Variants in ZNF143 observed in about 807,000 individuals in gnomAD.
The protein encoded by ZNF143 is SPH-binding factor.
In ZNF143, 49 loss-of-function variants were observed where a neutral mutation model predicts 74.1. The ratio of observed to expected loss-of-function variants is 0.66; its 90% CI spans 0.53 to 0.84. The LOEUF (loss-of-function observed/expected upper bound fraction) is 0.84, where lower values mean the gene tolerates loss of function less well. Ranked by LOEUF, ZNF143 falls within the 40% of genes least tolerant of loss-of-function variation. ZNF143 has a pLI of 0.00. For synonymous variants in ZNF143, 304 were observed against 282.8 expected, an observed-to-expected ratio of 1.07 and a Z score of -0.75; for missense variants, 637 against 793.4, an observed-to-expected ratio of 0.80 and a Z score of 2.37.
chr11:9,508,918 A>G, intron 12 of ZNF143, 72 bp downstream of exon 12: 3 of 1,443,570 alleles, frequency 2.1e-6, no homozygotes, highest in Non-Finnish European at 2.8e-6. Flanking sequence ...TTTATGATTC[A>G]TAGCATTTTC....
At chr11:9,462,989 C>T (rs974662892) in intron 1 of ZNF143, among the ~76,000 whole-genome samples, 5 of 152,328 alleles carry the variant, frequency 3.3e-5, no homozygotes, top group Middle Eastern at 3.4e-3. Context: ...CTCCCCATTT[C>T]CTCTCAGTTG....
intron 8 of ZNF143, 128 bp from the exon 9 acceptor site, chr11:9,496,174 AT>A: frequency 1.3e-6 from 1 of 742,188 alleles, no homozygotes; most frequent in Non-Finnish European, 2.2e-6. Flanking sequence ...TTGTGAAGTT[AT>A]CTTTTTTATA....
intron 1 of ZNF143, 56 bp downstream of exon 1, chr11:9,461,132 C>T: frequency 1.0e-6 from 1 of 975,478 alleles, no homozygotes; most frequent in Non-Finnish European, 1.2e-6. Context: ...CTGGCCGCCG[C>T]CCTCAGCGCG....
intron 1 of ZNF143, among the ~76,000 whole-genome samples, chr11:9,464,472 A>C (rs1856069499): frequency 6.6e-6 from 1 of 152,002 alleles, no homozygotes. Flanking sequence ...GGGGTGGCCC[A>C]TGCCTTTAAT....
At chr11:9,462,068 G>T (rs546652055) in intron 1 of ZNF143, 1 of 152,172 alleles carries the variant, frequency 6.6e-6, no homozygotes, top group Non-Finnish European at 1.5e-5. Flanking sequence ...TTTTCTTGCT[G>T]AGTATGTAGA....
chr11:9,479,386 C>A, intron 6 of ZNF143, 86 bp from the exon 7 acceptor site: 2 of 988,496 alleles, frequency 2.0e-6, no homozygotes, highest in Non-Finnish European at 1.4e-6. Context: ...TTTTTTTTTG[C>A]AAGCTTCTCC....
Position 9,471,287 on chromosome 11 carries a change from T to C in ZNF143, c.-7-15T>C. 1 of 1,580,816 alleles carries C rather than the reference T, an allele frequency of 6.3e-7. No individual in the cohort carries two copies. The highest frequency in any genetic ancestry group is 8.6e-7 in the Non-Finnish European group (1 of 1,163,904). The stretch of plus-strand genomic sequence containing the variant: ...TATCATTCTTTGTTCCCAAGTGTCT[T>C]TATTTTTCTTCAAGGTAGAAGATGT... On this transcript the variant is annotated splice_polypyrimidine_tract_variant and intron_variant, in intron 1 of 15. Transcript: ENST00000396602.
At chr11:9,520,838 A>G (rs772346746) in intron 14 of ZNF143, among the ~76,000 whole-genome samples, 3 of 152,214 alleles carry the variant, frequency 2.0e-5, no homozygotes, top group Non-Finnish European at 2.9e-5. Context: ...TATCACCAAC[A>G]TTTGGAGTTG....
At chr11:9,481,885 CA>C (rs572870014) in intron 7 of ZNF143, among the ~76,000 whole-genome samples, 67,766 of 111,106 alleles carry the variant, frequency 0.61, 18,689 homozygotes, top group Non-Finnish European at 0.67. Flanking sequence ...GAGACTGTCT[CA>C]AAAAAAAAAA....
intron 5 of ZNF143, among the ~76,000 whole-genome samples, chr11:9,476,425 T>C (rs1407533170): frequency 1.3e-5 from 2 of 152,074 alleles, no homozygotes; most frequent in African/African-American, 2.4e-5. Flanking sequence ...CAGGCTGGAG[T>C]GCAGGGACAC....
intron 1 of ZNF143, 95 bp downstream of exon 1, chr11:9,461,171 C>T: frequency 1.3e-6 from 1 of 774,930 alleles, no homozygotes; most frequent in Non-Finnish European, 1.6e-6. Flanking sequence ...GGCCCGGGCT[C>T]CGGCTCCCGC....
At chr11:9,469,615 C>T (rs1856454882) in intron 1 of ZNF143, among the ~76,000 whole-genome samples, 1 of 152,148 alleles carries the variant, frequency 6.6e-6, no homozygotes, top group African/African-American at 2.4e-5. Context: ...GACGTTTCAG[C>T]TTGTTCTATG....
intron 6 of ZNF143, among the ~76,000 whole-genome samples, chr11:9,479,075 T>A (rs59113683): frequency 0.021 from 2,717 of 131,818 alleles, 71 homozygotes; most frequent in African/African-American, 0.061. Flanking sequence ...TCAAAAGAGC[T>A]GATTTTTTTT....
intron 1 of ZNF143, among the ~76,000 whole-genome samples, chr11:9,461,417 T>G (rs907573442): frequency 3.9e-5 from 6 of 152,148 alleles, no homozygotes; most frequent in African/African-American, 1.4e-4. Context: ...TCGGGAGCCT[T>G]GGCCGCGTTT....
At chr11:9,496,197 T>A in intron 8 of ZNF143, 106 bp from the exon 9 acceptor site, 1 of 929,300 alleles carries the variant, frequency 1.1e-6, no homozygotes, top group Non-Finnish European at 1.7e-6. Context: ...GAAAAAAGCA[T>A]ACAACAAAAT....
At chr11:9,511,626 C>T (rs1029825815) in intron 12 of ZNF143, among the ~76,000 whole-genome samples, 23 of 151,714 alleles carry the variant, frequency 1.5e-4, no homozygotes, top group African/African-American at 5.1e-4. Flanking sequence ...TTAATAGAGA[C>T]GTGGTTTCTC....
intron 12 of ZNF143, among the ~76,000 whole-genome samples, chr11:9,509,250 T>C (rs796717125): frequency 5.3e-5 from 8 of 152,300 alleles, no homozygotes; most frequent in African/African-American, 1.9e-4. Flanking sequence ...GTTAGGGCAG[T>C]TCTGCCTGGG....
chr11:9,521,957 T>G (rs1388628077), intron 14 of ZNF143, among the ~76,000 whole-genome samples: 1 of 151,116 alleles, frequency 6.6e-6, no homozygotes, highest in Non-Finnish European at 1.5e-5. Flanking sequence ...TCCCAGCTAC[T>G]CAGGAGGCTG....
intron 3 of ZNF143, 104 bp from the exon 4 acceptor site, chr11:9,473,837 G>T: frequency 6.2e-7 from 1 of 1,603,104 alleles, no homozygotes; most frequent in South Asian, 1.1e-5. Context: ...AGATGAACAC[G>T]AGCTTAAGTT....
Sources: gnomAD v4.1 joint callset for allele counts (sites outside exome capture counted in the v4.1 genomes callset) on GRCh38, gnomAD v4.1.1 for gene constraint, MANE v1.5 for transcripts, NCBI Gene and HGNC (gene_info 2026-07-23, HGNC 2026-07-21) for gene names.